Variants in ADNP observed in about 807,000 individuals in gnomAD.
ADNP encodes the protein activity dependent neuroprotector homeobox, also known as activity-dependent neuroprotector homeobox protein.
ADNP carries 4 observed loss-of-function variants against 84.9 expected under a neutral mutation model. That is an observed-to-expected ratio of 0.05 (90% CI 0.02 to 0.11). The LOEUF is 0.11. Ranked by LOEUF, ADNP falls within the 10% of genes least tolerant of loss-of-function variation. The probability of loss-of-function intolerance (pLI) is 1.00; values close to 1 mark genes in which losing one functional copy is unlikely to be tolerated. For missense variants in ADNP, 1,132 were observed against 1,326.0 expected, an observed-to-expected ratio of 0.85 and a Z score of 2.27; for synonymous variants, 554 against 468.1, an observed-to-expected ratio of 1.18 and a Z score of -2.37.
chr20:50,901,208 G>A (rs1981941679), intron 5 of ADNP, among the ~76,000 whole-genome samples: 1 of 149,274 alleles, frequency 6.7e-6, no homozygotes, highest in Non-Finnish European at 1.5e-5. Context: ...CTCTTCTTTA[G>A]TATTCAGCTA....
chr20:50,895,312 T>A (rs533362383), intron 5 of ADNP, among the ~76,000 whole-genome samples: 1 of 152,360 alleles, frequency 6.6e-6, no homozygotes, highest in African/African-American at 2.4e-5. Flanking sequence ...TACAAACCTG[T>A]ACAGCATGTT....
At chr20:50,923,320 A>G (rs933247961) in intron 2 of ADNP, among the ~76,000 whole-genome samples, 1 of 152,154 alleles carries the variant, frequency 6.6e-6, no homozygotes, top group Non-Finnish European at 1.5e-5. Flanking sequence ...AATAGGAAAT[A>G]TATTTCTTTC....
At chr20:50,904,273 C>T in intron 3 of ADNP, 1 of 363,310 alleles carries the variant, frequency 2.8e-6, no homozygotes, top group Non-Finnish European at 5.1e-6. Context: ...TCATTGACTG[C>T]AGTGCACTCA....
intron 2 of ADNP, among the ~76,000 whole-genome samples, chr20:50,907,094 A>G (rs1467547823): frequency 6.6e-6 from 1 of 150,794 alleles, no homozygotes; most frequent in African/African-American, 2.4e-5. Flanking sequence ...CAGCCTCCTG[A>G]GTAGCTGGGA....
At chr20:50,919,283 ATTTAAGTG>A (rs1223444389) in intron 2 of ADNP, among the ~76,000 whole-genome samples, 5 of 104,982 alleles carry the variant, frequency 4.8e-5, no homozygotes, top group African/African-American at 2.8e-4. Context: ...AAATACATAT[ATTTAAGTG>A]TATATATATA....
At chr20:50,925,962 G>A (rs1158356821) in intron 2 of ADNP, among the ~76,000 whole-genome samples, 6 of 152,160 alleles carry the variant, frequency 3.9e-5, no homozygotes, top group Non-Finnish European at 8.8e-5. Context: ...TTAACCAAGC[G>A]TTGTGGCAGG....
At chr20:50,915,633 C>G (rs912756894) in intron 2 of ADNP, among the ~76,000 whole-genome samples, 1 of 152,170 alleles carries the variant, frequency 6.6e-6, no homozygotes, top group Non-Finnish European at 1.5e-5. Context: ...CCCTCCCTCC[C>G]CAATCCACAA....
intron 2 of ADNP, among the ~76,000 whole-genome samples, chr20:50,925,920 G>A (rs1984260730): frequency 6.6e-6 from 1 of 152,232 alleles, no homozygotes; most frequent in Non-Finnish European, 1.5e-5. Flanking sequence ...GGCCAACATG[G>A]CGAAATCCCA....
At position 50,890,427 on chromosome 20, in the gene ADNP, T is replaced by A. The variant is rs986954243; in HGVS notation, c.*978A>T. 2.0e-5 allele frequency: 3 copies of A among 152,356 alleles called. No homozygotes were observed. Among genetic ancestry groups the A allele is most frequent in the Admixed American group, 6.5e-5 (1 of 15,282 alleles). The allele number at this position is 152,356 out of a possible 1,614,324, so 9.4% of individuals were successfully genotyped here. A position where few individuals can be genotyped will look rare whatever the true frequency, so the allele number is the denominator to read the frequency against. Reference sequence around the variant, plus strand: ...ATAAAGATCACAAAATTATACATACTACAACAGTGTGTCATATATTAGATG... The same window carrying A: ...ATAAAGATCACAAAATTATACATACAACAACAGTGTGTCATATATTAGATG... On this transcript the variant is annotated 3_prime_UTR_variant, in exon 6 of 6. Coordinates refer to ENST00000621696, the MANE Select transcript of ADNP (RefSeq NM_001282531.3).
chr20:50,900,678 A>C (rs1483198113), intron 5 of ADNP, among the ~76,000 whole-genome samples: 1 of 152,250 alleles, frequency 6.6e-6, no homozygotes, highest in East Asian at 1.9e-4. Flanking sequence ...TTCAGGGCCC[A>C]CGATGTTTTA....
chr20:50,896,590 T>G (rs985338209), intron 5 of ADNP, among the ~76,000 whole-genome samples: 7 of 152,160 alleles, frequency 4.6e-5, no homozygotes, highest in Non-Finnish European at 8.8e-5. Context: ...AAAAACATTT[T>G]TTTTCTTAAA....
chr20:50,918,083 TAG>T (rs755751250), intron 2 of ADNP, among the ~76,000 whole-genome samples: 2 of 152,188 alleles, frequency 1.3e-5, no homozygotes, highest in Non-Finnish European at 2.9e-5. Context: ...TTAACAGGTA[TAG>T]AGTTTCAGTT....
chr20:50,907,313 T>A (rs887819915), intron 2 of ADNP, among the ~76,000 whole-genome samples: 53 of 148,916 alleles, frequency 3.6e-4, no homozygotes, highest in Non-Finnish European at 1.8e-4. Flanking sequence ...TTGCCCAGGC[T>A]GGAGTGCAAT....
chr20:50,917,545 C>T (rs1266525509), intron 2 of ADNP, among the ~76,000 whole-genome samples: 2 of 152,208 alleles, frequency 1.3e-5, no homozygotes, highest in African/African-American at 2.4e-5. Context: ...TATGTCTCCC[C>T]TTTATTATCT....
At position 50,902,006 on chromosome 20, in the gene ADNP, G is replaced by A. The variant is rs773450955; in HGVS notation, c.201+11C>T. On this transcript the variant is annotated intron_variant, in intron 5 of 5. Transcript: ENST00000621696. ...ATGCTGCCATCTGAGGAAGTCTCCT[G>A]TGCCACTTACCTGGTTTTTCGTAAG... 24 of 1,596,128 alleles carry A rather than the reference G, an allele frequency of 1.5e-5. No individual in the cohort carries two copies. The highest frequency in any genetic ancestry group is 2.0e-5 in the Non-Finnish European group (23 of 1,163,594).
intron 2 of ADNP, among the ~76,000 whole-genome samples, chr20:50,913,100 A>G (rs1454110497): frequency 3.3e-5 from 5 of 151,726 alleles, no homozygotes; most frequent in Non-Finnish European, 7.4e-5. Flanking sequence ...AAAATACAAT[A>G]AAATTAGCTG....
intron 2 of ADNP, among the ~76,000 whole-genome samples, chr20:50,916,422 C>T (rs983056170): frequency 2.0e-5 from 3 of 152,178 alleles, no homozygotes; most frequent in Non-Finnish European, 2.9e-5. Context: ...TCCCTAGTCA[C>T]ATGACAGCCT....
At chr20:50,902,943 G>C (rs1473172221) in intron 4 of ADNP, among the ~76,000 whole-genome samples, 1 of 152,224 alleles carries the variant, frequency 6.6e-6, no homozygotes, top group Non-Finnish European at 1.5e-5. Context: ...GACTAGAGAA[G>C]TCAACTTTTG....
intron 4 of ADNP, among the ~76,000 whole-genome samples, chr20:50,903,052 T>C (rs1399724926): frequency 4.6e-5 from 7 of 152,246 alleles, no homozygotes; most frequent in Non-Finnish European, 8.8e-5. Context: ...TTACTTCCAA[T>C]TCCATTCAAA....
Sources: allele counts gnomAD v4.1 joint callset (sites outside exome capture counted in the v4.1 genomes callset), GRCh38; gene constraint gnomAD v4.1.1; transcripts MANE v1.5; gene names NCBI Gene and HGNC (gene_info 2026-07-23, HGNC 2026-07-21).